ACOT13: variants seen among roughly 807,000 people sequenced by gnomAD.
The protein encoded by ACOT13 is acyl-CoA thioesterase 13.
ACOT13 carries 10 observed loss-of-function variants against 11.8 expected under a neutral mutation model. The observed-to-expected ratio is 0.85, with a 90% CI of 0.53 to 1.44. The LOEUF is 1.44. Among genes scored for constraint, ACOT13 ranks in the 40% most tolerant of loss-of-function variants. The pLI, the probability that ACOT13 is intolerant of heterozygous loss-of-function variation, is 0.00. For synonymous variants in ACOT13, 53 were observed against 61.0 expected (o/e 0.87, Z 0.61); for missense variants, 172 against 174.1 (o/e 0.99, Z 0.07).
chr6:24,685,829 C>T (rs1288844377), intron 1 of ACOT13, among the ~76,000 whole-genome samples: 1 of 151,984 alleles, frequency 6.6e-6, no homozygotes, highest in Non-Finnish European at 1.5e-5. Context: ...TGCCCTATTC[C>T]CCCACAACAA....
At chr6:24,686,643 C>T (rs910745413) in intron 1 of ACOT13, among the ~76,000 whole-genome samples, 4 of 146,000 alleles carry the variant, frequency 2.7e-5, no homozygotes, top group African/African-American at 1.0e-4. Flanking sequence ...CACTCTTTCT[C>T]TCTTTCTTCT....
At chr6:24,692,018 G>C (rs1406467465) in intron 1 of ACOT13, among the ~76,000 whole-genome samples, 1 of 152,220 alleles carries the variant, frequency 6.6e-6, no homozygotes. Context: ...GGCAAGGGCA[G>C]AAATAGGGAG....
At chr6:24,696,339 A>G (rs1445297638) in intron 1 of ACOT13, among the ~76,000 whole-genome samples, 1 of 152,188 alleles carries the variant, frequency 6.6e-6, no homozygotes, top group Non-Finnish European at 1.5e-5. Flanking sequence ...GGAAAGACCT[A>G]CATCTACATC....
chr6:24,697,859 C>CA, intron 1 of ACOT13, 24 bp from the exon 2 acceptor site: 1 of 1,562,680 alleles, frequency 6.4e-7, no homozygotes, highest in Non-Finnish European at 8.7e-7. Context: ...AATTAATGTT[C>CA]AGGATTCTTT....
At chr6:24,673,938 G>C (rs1778403576) in intron 1 of ACOT13, among the ~76,000 whole-genome samples, 1 of 152,058 alleles carries the variant, frequency 6.6e-6, no homozygotes, top group Non-Finnish European at 1.5e-5. Flanking sequence ...TTATTTCTAA[G>C]CTTTCTTACC....
At chr6:24,687,705 A>ATT (rs3033242) in intron 1 of ACOT13, 35,473 of 1,247,776 alleles carry the variant, frequency 0.028, 32 homozygotes, top group South Asian at 0.077. Flanking sequence ...TAAGAATAGA[A>ATT]TTTTTTTTTT....
chr6:24,687,912 C>T (rs1281942715), intron 1 of ACOT13, among the ~76,000 whole-genome samples: 3 of 151,618 alleles, frequency 2.0e-5, no homozygotes, highest in East Asian at 1.9e-4. Flanking sequence ...GGGGTTTCAC[C>T]GTATTGGCGA....
At chr6:24,693,834 C>T (rs1206968769) in intron 1 of ACOT13, among the ~76,000 whole-genome samples, 1 of 151,972 alleles carries the variant, frequency 6.6e-6, no homozygotes, top group East Asian at 1.9e-4. Context: ...AGGGATTCTC[C>T]TGCCTCAGCC....
At chr6:24,691,486 A>G (rs1778717017) in intron 1 of ACOT13, among the ~76,000 whole-genome samples, 1 of 152,186 alleles carries the variant, frequency 6.6e-6, no homozygotes, top group South Asian at 2.1e-4. Flanking sequence ...CTATAAAGGA[A>G]AATAAAGGTG....
At position 24,698,009 on chromosome 6, in the gene ACOT13, A is replaced by G. The variant is rs1420762598; in HGVS notation, c.208A>G (p.Met70Val). ...TATLVDNIST[M>V]ALLCTERGAP... ...CACGTTAGTAGATAACATATCAACA[A>G]TGGCTCTGCTATGCACGGAAAGGGG... Residue 70 changes from methionine (M) to valine (V), a missense_variant, in exon 2 of 3, where the codon ATG becomes GTG. Physicochemically the swap from Met to Val is conservative, Grantham distance 21. Transcript: ENST00000230048. 3.1e-6 allele frequency: 5 copies of G among 1,613,902 alleles called. No individual in the cohort carries two copies. The East Asian group carries it at 6.7e-5, about 22-fold the overall frequency.
chr6:24,687,402 C>T, intron 1 of ACOT13: 2 of 1,203,422 alleles, frequency 1.7e-6, no homozygotes, highest in Non-Finnish European at 2.1e-6. Context: ...TTTTCTCCCA[C>T]AGTAACACGT....
intron 1 of ACOT13, among the ~76,000 whole-genome samples, chr6:24,677,098 C>T (rs9467253): frequency 0.17 from 25,113 of 152,174 alleles, 3,821 homozygotes; most frequent in East Asian, 0.49. Flanking sequence ...CTGCATACCC[C>T]GCTTTTCAAA....
intron 1 of ACOT13, among the ~76,000 whole-genome samples, chr6:24,684,961 A>G (rs1156417491): frequency 1.3e-5 from 2 of 152,192 alleles, no homozygotes; most frequent in Non-Finnish European, 2.9e-5. Context: ...GCAGTGAGCT[A>G]TGATTGTACC....
Position 24,696,988 on chromosome 6 carries a change from C to T in ACOT13, c.82-895C>T, listed in dbSNP as rs141138812. On this transcript the variant is annotated intron_variant, in intron 1 of 2. Coordinates refer to ENST00000230048, the MANE Select transcript of ACOT13 (RefSeq NM_018473.4). Reference sequence around the variant, plus strand: ...ACTGGGTTTCACCATGTTGGTAAGGCTGGTCTCAAACTCCTGATCTCGTGA... The same window carrying T: ...ACTGGGTTTCACCATGTTGGTAAGGTTGGTCTCAAACTCCTGATCTCGTGA... Among the ~76,000 whole-genome samples the T allele has an allele frequency of 2.7e-3, 416 of 152,288 alleles. 2 individuals carry two copies. The highest frequency in any genetic ancestry group is 9.1e-3 in the African/African-American group (380 of 41,568).
chr6:24,670,844 T>G (rs913304784), intron 1 of ACOT13, among the ~76,000 whole-genome samples: 1 of 152,148 alleles, frequency 6.6e-6, no homozygotes, highest in East Asian at 1.9e-4. Context: ...CCTTAGTTAA[T>G]TCCTATTCTG....
intron 1 of ACOT13, among the ~76,000 whole-genome samples, chr6:24,667,592 G>A (rs1778281734): frequency 6.6e-6 from 1 of 152,208 alleles, no homozygotes; most frequent in African/African-American, 2.4e-5. Context: ...TCCAAGGCTG[G>A]GAGGGACTTT....
At chr6:24,695,794 C>T (rs879587258) in intron 1 of ACOT13, among the ~76,000 whole-genome samples, 3 of 152,092 alleles carry the variant, frequency 2.0e-5, no homozygotes, top group African/African-American at 4.8e-5. Flanking sequence ...AGGCCAGGCG[C>T]GGTGGCTCAC....
At chr6:24,698,664 G>A (rs1312786794) in intron 2 of ACOT13, among the ~76,000 whole-genome samples, 7 of 144,630 alleles carry the variant, frequency 4.8e-5, no homozygotes, top group Non-Finnish European at 8.9e-5. Context: ...TTTTGGACAC[G>A]GAGTCTCCCC....
intron 1 of ACOT13, among the ~76,000 whole-genome samples, chr6:24,692,847 C>T (rs6456630): frequency 0.63 from 96,436 of 152,142 alleles, 30,767 homozygotes; most frequent in East Asian, 0.72. Context: ...CCAGTACTCT[C>T]AACCATTAAG....
Sources: gnomAD v4.1 joint callset for allele counts (sites outside exome capture counted in the v4.1 genomes callset) on GRCh38, gnomAD v4.1.1 for gene constraint, MANE v1.5 for transcripts, NCBI Gene and HGNC (gene_info 2026-07-23, HGNC 2026-07-21) for gene names.